The following ANKRD36C variants were observed in gnomAD, a reference collection of about 807,000 sequenced individuals.
The protein encoded by ANKRD36C is ankyrin repeat domain 36C.
ANKRD36C carries 61 observed loss-of-function variants against 276.4 expected under a neutral mutation model. The ratio of observed to expected loss-of-function variants is 0.22; its 90% CI spans 0.18 to 0.27. The LOEUF is 0.27. Among genes scored for constraint, ANKRD36C ranks in the 10% least tolerant of loss-of-function variants. ANKRD36C has a pLI of 1.00. For missense variants in ANKRD36C, 1,447 were observed against 2,032.3 expected (o/e 0.71, Z 5.54); for synonymous variants, 483 against 680.1 (o/e 0.71, Z 4.51).
Position 95,890,022 on chromosome 2 carries a change from C to T in ANKRD36C, c.2858-28G>A, listed in dbSNP as rs746725315. 13 of 1,603,826 alleles carry T rather than the reference C, an allele frequency of 8.1e-6. 1 individual carries two copies. Among genetic ancestry groups the T allele is most frequent in the Middle Eastern group, 3.5e-4 (2 of 5,710 alleles). On this transcript the variant is annotated intron_variant, in intron 46 of 66. Transcript: ENST00000456556. ...GAAAAGCAAAAAGGATACATAATCA[C>T]TCATACGTAAATATGATAAAGTTAT... is the stretch of plus-strand genomic sequence containing the variant.
chr2:95,944,414 T>C (rs1252808016), intron 19 of ANKRD36C, among the ~76,000 whole-genome samples: 1 of 152,232 alleles, frequency 6.6e-6, no homozygotes, highest in African/African-American at 2.4e-5. Flanking sequence ...TTCTTTTCTA[T>C]TATTACCTTG....
intron 1 of ANKRD36C, among the ~76,000 whole-genome samples, chr2:95,990,554 G>A: frequency 6.6e-6 from 1 of 151,892 alleles, no homozygotes; most frequent in Non-Finnish European, 1.5e-5. Flanking sequence ...TCTTAATGTC[G>A]TCACAATAGT....
At chr2:95,987,200 G>A (rs1184736832) in exon 2 of ANKRD36C, 3 of 1,544,950 alleles carry the variant, frequency 1.9e-6, no homozygotes, top group South Asian at 2.4e-5. Context: ...CCAAATGTAG[G>A]GCGGTCCTGT....
At chr2:95,890,271 C>A (rs565052667) in intron 46 of ANKRD36C, among the ~76,000 whole-genome samples, 1 of 151,458 alleles carries the variant, frequency 6.6e-6, no homozygotes, top group African/African-American at 2.4e-5. Flanking sequence ...GTCGATATGC[C>A]GAGTGATGAG....
intron 62 of ANKRD36C, among the ~76,000 whole-genome samples, chr2:95,856,397 A>G (rs1488913294): frequency 6.6e-6 from 1 of 152,188 alleles, no homozygotes; most frequent in Non-Finnish European, 1.5e-5. Flanking sequence ...GAATCCATGA[A>G]AGCAAAAAAG....
At chr2:95,882,785 G>A (rs1676114649) in intron 54 of ANKRD36C, among the ~76,000 whole-genome samples, 2 of 152,158 alleles carry the variant, frequency 1.3e-5, no homozygotes, top group South Asian at 4.1e-4. Flanking sequence ...ACTGAATGAT[G>A]AAAAGAAATG....
intron 12 of ANKRD36C, among the ~76,000 whole-genome samples, chr2:95,958,211 T>A (rs540757559): frequency 5.3e-5 from 8 of 152,144 alleles, no homozygotes; most frequent in Admixed American, 5.2e-4. Flanking sequence ...TACGATCACT[T>A]CTTCCCTCCG....
Position 95,951,343 on chromosome 2 carries a change from C to T in ANKRD36C, c.1264+5G>A, listed in dbSNP as rs774136260. On this transcript the variant is annotated splice_donor_5th_base_variant and intron_variant, in intron 15 of 66. Transcript: ENST00000456556. ...ACTACAATAGGCAGGCTTCAAATAA[C>T]TTACCATCTTCTATAGATCGTGGAG... 2 of 1,455,154 alleles carry T rather than the reference C, an allele frequency of 1.4e-6. No individual in the cohort carries two copies. Among genetic ancestry groups the T allele is most frequent in the African/African-American group, 2.8e-5 (2 of 70,938 alleles). 90.1% of individuals were successfully genotyped at this position (1,455,154 alleles called of 1,614,324 possible). A position where few individuals can be genotyped will look rare whatever the true frequency, so the allele number is the denominator to read the frequency against.
intron 54 of ANKRD36C, 97 bp downstream of exon 74, chr2:95,884,076 T>A (rs139266900): frequency 5.0e-5 from 68 of 1,352,462 alleles, no homozygotes; most frequent in African/African-American, 2.9e-4. Flanking sequence ...AGAATCAGAA[T>A]GTGCAGCTTC....
chr2:95,879,325 T>A (rs187111679), intron 58 of ANKRD36C, among the ~76,000 whole-genome samples: 2,211 of 151,420 alleles, frequency 0.015, 28 homozygotes, highest in African/African-American at 0.031. Context: ...TGGTAGGAAA[T>A]GAGGATGCTT....
chr2:95,852,391 C>T, intron 64 of ANKRD36C, 195 bp from the exon 85 acceptor site: 1 of 563,460 alleles, frequency 1.8e-6, no homozygotes, highest in Non-Finnish European at 3.2e-6. Context: ...CTGCTACACC[C>T]CTTCAGTCTG....
chr2:95,870,665 G>A (rs1380210658), intron 59 of ANKRD36C, among the ~76,000 whole-genome samples: 1 of 152,214 alleles, frequency 6.6e-6, no homozygotes, highest in African/African-American at 2.4e-5. Flanking sequence ...GCTGGACGGA[G>A]AATGACTTTG....
rs566578909 is a variant in ANKRD36C, at chr2:95,908,641, T to C, written c.2653+3603A>G. ...GTTTCATAGACTATACATTTACTAG[T>C]TCACAACATAAATGACAGTTTCATT... On this transcript the variant is annotated intron_variant, in intron 42 of 66. Coordinates refer to ENST00000456556, the Ensembl canonical transcript of ANKRD36C. The C allele has an allele frequency of 7.5e-5, 118 of 1,564,958 alleles. 2 individuals carry two copies. The highest frequency in any genetic ancestry group is 3.5e-4 in the Admixed American group (19 of 54,334).
chr2:95,941,039 T>C, intron 20 of ANKRD36C, 121 bp downstream of exon 20: 1 of 658,034 alleles, frequency 1.5e-6, no homozygotes, highest in Non-Finnish European at 2.1e-6. Context: ...AAAATTATAT[T>C]AAAGCATAGA....
chr2:95,894,497 G>C (rs1389882647), intron 44 of ANKRD36C, among the ~76,000 whole-genome samples: 1 of 151,360 alleles, frequency 6.6e-6, no homozygotes, highest in Admixed American at 6.6e-5. Flanking sequence ...TTTACATTCA[G>C]AAATCATTCC....
intron 30 of ANKRD36C, among the ~76,000 whole-genome samples, chr2:95,925,030 C>T (rs1411093713): frequency 6.6e-6 from 1 of 151,620 alleles, no homozygotes; most frequent in African/African-American, 2.4e-5. Context: ...TACTTCTTCT[C>T]TTTCTCCTTC....
intron 60 of ANKRD36C, among the ~76,000 whole-genome samples, 199 bp downstream of exon 80, chr2:95,867,241 A>G (rs1336114055): frequency 4.6e-5 from 7 of 152,192 alleles, no homozygotes; most frequent in African/African-American, 7.2e-5. Context: ...TCACACTGAG[A>G]AAAGTACAGT....
rs535591129 is a variant in ANKRD36C, at chr2:95,897,481, G to C, written c.2755+1664C>G. On this transcript the variant is annotated intron_variant, in intron 44 of 66. Coordinates refer to ENST00000456556, the Ensembl canonical transcript of ANKRD36C. ...TCAGAAGACACTGAAAAGTAAAAGG[G>C]ATTCATAATCACTCATATGTAAAAA... 11 of 1,522,904 alleles carry C rather than the reference G, an allele frequency of 7.2e-6. No individual in the cohort carries two copies. The African/African-American group carries it at 1.4e-4, about 19-fold the overall frequency. The allele number at this position is 1,522,904 out of a possible 1,614,324, so 94.3% of individuals were successfully genotyped here. A position where few individuals can be genotyped will look rare whatever the true frequency, so the allele number is the denominator to read the frequency against.
intron 6 of ANKRD36C, among the ~76,000 whole-genome samples, chr2:95,973,213 A>G (rs1390062845): frequency 6.6e-6 from 1 of 152,220 alleles, no homozygotes; most frequent in East Asian, 1.9e-4. Flanking sequence ...GGAGATGGAG[A>G]CCATCCTGGC....
Sources: allele counts gnomAD v4.1 joint callset (sites outside exome capture counted in the v4.1 genomes callset), GRCh38; gene constraint gnomAD v4.1.1; transcripts MANE v1.5; gene names NCBI Gene and HGNC (gene_info 2026-07-23, HGNC 2026-07-21).